BPIFA3: variants seen among roughly 807,000 people sequenced by gnomAD.
BPIFA3 encodes BPI fold containing family A member 3, also known as BPI fold-containing family A member 3.
In BPIFA3, 32 loss-of-function variants were observed where a neutral mutation model predicts 29.7. The observed-to-expected ratio is 1.08, with a 90% CI of 0.81 to 1.45. The LOEUF (loss-of-function observed/expected upper bound fraction) is 1.45. BPIFA3 is among the 40% of genes most tolerant of loss of function. The pLI, the probability that BPIFA3 is intolerant of heterozygous loss-of-function variation, is 0.00. For synonymous variants in BPIFA3, 112 were observed against 113.7 expected, an observed-to-expected ratio of 0.98 and a Z score of 0.10; for missense variants, 323 against 311.3, an observed-to-expected ratio of 1.04 and a Z score of -0.28.
intron 1 of BPIFA3, 82 bp downstream of exon 1, chr20:33,217,745 G>T (rs1419014868): frequency 6.7e-6 from 10 of 1,484,750 alleles, no homozygotes; most frequent in East Asian, 2.4e-5. Context: ...CTGCTAACCC[G>T]CTGGGTGACT....
chr20:33,223,986 G>T, intron 2 of BPIFA3, 25 bp downstream of exon 2: 1 of 1,611,304 alleles, frequency 6.2e-7, no homozygotes, highest in Non-Finnish European at 8.5e-7. Context: ...TCTATCCGTG[G>T]CCCTGGAACT....
rs1417191067 is a variant in BPIFA3 at position 33,219,193 on chromosome 20, C to T, written c.127+1530C>T. Among the ~76,000 whole-genome samples, 3 of 152,218 alleles carry T rather than the reference C, an allele frequency of 2.0e-5. No individual in the cohort carries two copies. In the East Asian group the frequency reaches 5.8e-4, roughly 29 times the overall value. On this transcript the variant is annotated intron_variant, in intron 1 of 6. Transcript: ENST00000375454. Reference sequence around the variant, plus strand: ...GTGCTGGCATTACAAGTGTAAGCCACTGTGCCCAGCCCCATTTTGACTTCT... The same window carrying T: ...GTGCTGGCATTACAAGTGTAAGCCATTGTGCCCAGCCCCATTTTGACTTCT...
intron 2 of BPIFA3, 123 bp from the exon 3 acceptor site, chr20:33,224,232 A>G (rs1427477506): frequency 1.1e-6 from 1 of 876,614 alleles, no homozygotes; most frequent in African/African-American, 1.7e-5. Context: ...CTGTAAAAGA[A>G]TCACAGTCCA....
intron 6 of BPIFA3, 30 bp from the exon 7 acceptor site, chr20:33,227,508 G>A (rs1398315804): frequency 1.9e-6 from 3 of 1,584,802 alleles, no homozygotes; most frequent in African/African-American, 2.7e-5. Flanking sequence ...TGGGCACACT[G>A]GTGACAGACG....
chr20:33,220,899 T>C (rs1985480640), intron 1 of BPIFA3, among the ~76,000 whole-genome samples: 1 of 152,202 alleles, frequency 6.6e-6, no homozygotes. Context: ...AGAATTCCCC[T>C]ACAAGTAAAT....
intron 5 of BPIFA3, 152 bp from the exon 6 acceptor site, chr20:33,226,778 G>C (rs1985799360): frequency 3.9e-6 from 3 of 775,710 alleles, no homozygotes; most frequent in Admixed American, 2.2e-5. Flanking sequence ...GCATGACACT[G>C]AGCAGGTAGT....
In BPIFA3 at chr20:33,225,227, C is replaced by T; in HGVS notation, c.516C>T (p.Val172=). ...IGKCDAEPSS[V]HVAILTEAIP... The stretch of plus-strand genomic sequence containing the variant: ...AATGCGATGCAGAGCCCAGCAGTGT[C>T]CATGTGGCCATCCTCACTGAGTAAG... Residue 172 remains valine (V), a synonymous_variant, in exon 4 of 7, where the codon GTC becomes GTT. Coordinates refer to ENST00000375454, the MANE Select transcript of BPIFA3 (RefSeq NM_178466.5). The T allele has an allele frequency of 6.2e-7, 1 of 1,613,904 alleles. No individual in the cohort carries two copies. The highest frequency in any genetic ancestry group is 1.1e-5 in the South Asian group (1 of 91,044).
At chr20:33,223,539 C>G (rs933322001) in intron 1 of BPIFA3, 2 of 353,726 alleles carry the variant, frequency 5.7e-6, no homozygotes, top group South Asian at 1.1e-4. Context: ...GACTGAAATA[C>G]AGTGTTGGGT....
chr20:33,225,555 C>G (rs75109714), intron 4 of BPIFA3: 309 of 311,130 alleles, frequency 9.9e-4, no homozygotes, highest in African/African-American at 6.2e-3. Flanking sequence ...GGAAACTCAC[C>G]TGGCTTTCCC....
chr20:33,218,370 C>T (rs914713732), intron 1 of BPIFA3, among the ~76,000 whole-genome samples: 3 of 152,206 alleles, frequency 2.0e-5, no homozygotes, highest in African/African-American at 7.2e-5. Context: ...TCTACACGTG[C>T]TCCAGTAAGA....
intron 3 of BPIFA3, 126 bp downstream of exon 3, chr20:33,224,588 C>G: frequency 1.3e-6 from 1 of 773,194 alleles, no homozygotes. Flanking sequence ...GCTGTGTGAC[C>G]TTGGGCAAGT....
chr20:33,227,102 G>A (rs1985821482), intron 6 of BPIFA3, 109 bp downstream of exon 6: 6 of 911,610 alleles, frequency 6.6e-6, no homozygotes, highest in South Asian at 2.7e-5. Context: ...GCGTCTGCAT[G>A]TGCCGTGAGA....
chr20:33,217,554 G>T lies in BPIFA3; in HGVS notation c.18G>T (p.Trp6Cys), dbSNP rs775700105. The T allele has an allele frequency of 6.2e-7, 1 of 1,614,116 alleles. No individual in the cohort carries two copies. The highest frequency in any genetic ancestry group is 1.1e-5 in the South Asian group (1 of 91,076). MMCPL[W>C]RLLIFLGLLA... Reference sequence around the variant, plus strand: ...CAGACCCTATGATGTGTCCACTCTGGAGGCTCCTCATCTTCCTCGGGTTGC... The same window carrying T: ...CAGACCCTATGATGTGTCCACTCTGTAGGCTCCTCATCTTCCTCGGGTTGC... Residue 6 changes from tryptophan to cysteine, a missense_variant, in exon 1 of 7, where the codon TGG becomes TGT. By Grantham distance (215) the Trp-to-Cys change is radical. Transcript: ENST00000375454.
chr20:33,222,599 GA>G (rs1272638846), intron 1 of BPIFA3, among the ~76,000 whole-genome samples: 325 of 130,668 alleles, frequency 2.5e-3, no homozygotes, highest in African/African-American at 0.014. Context: ...TGGATGGATG[GA>G]TGGATGAGTG....
At chr20:33,225,301 A>G in intron 4 of BPIFA3, 54 bp downstream of exon 4, 1 of 1,609,306 alleles carries the variant, frequency 6.2e-7, no homozygotes, top group Non-Finnish European at 8.5e-7. Flanking sequence ...GATGAGCCCC[A>G]GCTGCAGGGT....
At chr20:33,223,745 C>T (rs725914) in intron 1 of BPIFA3, 66 bp from the exon 2 acceptor site, 698,738 of 1,550,128 alleles carry the variant, frequency 0.45, 160,730 homozygotes, top group Admixed American at 0.48. Context: ...CCCAGGCCTC[C>T]GAATCCCAAG....
intron 1 of BPIFA3, among the ~76,000 whole-genome samples, chr20:33,221,627 C>A (rs2146484066): frequency 6.6e-6 from 1 of 152,184 alleles, no homozygotes; most frequent in African/African-American, 2.4e-5. Context: ...ACATTTATCT[C>A]TTTATAAAAG....
intron 1 of BPIFA3, chr20:33,223,555 T>A (rs1444769026): frequency 3.0e-5 from 12 of 400,578 alleles, no homozygotes; most frequent in Non-Finnish European, 4.1e-5. Context: ...TGGGTGAACT[T>A]TCAACCAGAA....
chr20:33,224,378 T>C lies in BPIFA3; in HGVS notation c.302T>C (p.Leu101Pro), dbSNP rs1401783928. ...ESSINITNIQ[L>P]DCGGIQISFH... ...AGCATCAACATCACCAACATTCAGC[T>C]GGACTGTGGTGGGATCCAGATATCA... Residue 101 changes from leucine (L) to proline (P), a missense_variant, in exon 3 of 7, where the codon CTG becomes CCG. By Grantham distance (98) the Leu-to-Pro change is moderately conservative. Coordinates refer to ENST00000375454, the MANE Select transcript of BPIFA3 (RefSeq NM_178466.5). 6.4e-5 allele frequency: 104 copies of C among 1,614,062 alleles called. No homozygotes were observed. Among genetic ancestry groups the C allele is most frequent in the Non-Finnish European group, 8.0e-5 (94 of 1,180,000 alleles).
Sources: gnomAD v4.1 joint callset for allele counts (sites outside exome capture counted in the v4.1 genomes callset) on GRCh38, gnomAD v4.1.1 for gene constraint, MANE v1.5 for transcripts, NCBI Gene and HGNC (gene_info 2026-07-23, HGNC 2026-07-21) for gene names.